The following XKR4 variants were observed in gnomAD, a reference collection of about 807,000 sequenced individuals.
The protein encoded by XKR4 is XK-related protein 4.
A neutral mutation model predicts 53.9 loss-of-function variants in XKR4; 12 were observed. That is an observed-to-expected ratio of 0.22 (90% confidence interval 0.14 to 0.36). XKR4 has a LOEUF of 0.36. Ranked by LOEUF, XKR4 falls within the 10% of genes least tolerant of loss-of-function variation. XKR4 has a pLI of 1.00. For missense variants in XKR4, 799 were observed against 859.5 expected (o/e 0.93, Z 0.88); for synonymous variants, 354 against 362.4 (o/e 0.98, Z 0.26).
chr8:55,394,568 T>C (rs1804488727), intron 2 of XKR4, among the ~76,000 whole-genome samples: 1 of 152,228 alleles, frequency 6.6e-6, no homozygotes. Context: ...ATGGGCATCA[T>C]CTTATCAACA....
At chr8:55,505,841 T>C (rs1045404678) in intron 2 of XKR4, among the ~76,000 whole-genome samples, 2 of 152,212 alleles carry the variant, frequency 1.3e-5, no homozygotes, top group African/African-American at 4.8e-5. Flanking sequence ...AACCTGATTT[T>C]TAAAAACAGG....
intron 2 of XKR4, among the ~76,000 whole-genome samples, chr8:55,438,083 T>A (rs1805204009): frequency 6.6e-6 from 1 of 151,988 alleles, no homozygotes; most frequent in African/African-American, 2.4e-5. Context: ...AGAGTTCCTG[T>A]AAGAGCAAGA....
chr8:55,160,201 T>A (rs1468881235), intron 1 of XKR4, among the ~76,000 whole-genome samples: 5 of 152,244 alleles, frequency 3.3e-5, no homozygotes, highest in African/African-American at 1.2e-4. Flanking sequence ...CCAGCCATAT[T>A]CAGCTCATGG....
intron 1 of XKR4, among the ~76,000 whole-genome samples, chr8:55,207,844 G>A (rs13248919): frequency 0.19 from 28,685 of 152,058 alleles, 3,456 homozygotes; most frequent in Middle Eastern, 0.36. Flanking sequence ...GTTGATTTTA[G>A]GGTGTCTAGA....
chr8:55,524,563 G>A lies in XKR4; in HGVS notation c.*336G>A. 1 of 283,854 alleles carries A rather than the reference G, an allele frequency of 3.5e-6. No individual in the cohort carries two copies. Among genetic ancestry groups the A allele is most frequent in the Non-Finnish European group, 6.6e-6 (1 of 151,250 alleles). The allele number at this position is 283,854 out of a possible 1,614,324, so 17.6% of individuals were successfully genotyped here. A position where few individuals can be genotyped will look rare whatever the true frequency, so the allele number is the denominator to read the frequency against. On this transcript the variant is annotated 3_prime_UTR_variant, in exon 3 of 3. Transcript: ENST00000327381. ...CCTCCAATCATTAGGGTGTCTTGAT[G>A]GCGTTAACTGATCTTTCCATAAAAA...
At chr8:55,461,817 T>C (rs868691546) in intron 2 of XKR4, among the ~76,000 whole-genome samples, 1 of 152,170 alleles carries the variant, frequency 6.6e-6, no homozygotes, top group African/African-American at 2.4e-5. Context: ...ACGAGAACTA[T>C]GTGACGAATG....
intron 2 of XKR4, among the ~76,000 whole-genome samples, chr8:55,495,588 C>T (rs543898609): frequency 6.6e-6 from 1 of 152,304 alleles, no homozygotes; most frequent in African/African-American, 2.4e-5. Context: ...AGGGGGCCTC[C>T]CAGGGGTGGA....
At chr8:55,466,674 T>A (rs1238395491) in intron 2 of XKR4, among the ~76,000 whole-genome samples, 1 of 152,096 alleles carries the variant, frequency 6.6e-6, no homozygotes, top group Non-Finnish European at 1.5e-5. Context: ...TTCTTTACCA[T>A]CTTACTATCC....
intron 2 of XKR4, among the ~76,000 whole-genome samples, chr8:55,438,143 C>A (rs756784083): frequency 6.6e-6 from 1 of 151,418 alleles, no homozygotes; most frequent in African/African-American, 2.4e-5. Flanking sequence ...GAACACATTA[C>A]CAGACAAAAA....
At chr8:55,518,545 G>T (rs1806750426) in intron 2 of XKR4, among the ~76,000 whole-genome samples, 1 of 152,202 alleles carries the variant, frequency 6.6e-6, no homozygotes, top group South Asian at 2.1e-4. Flanking sequence ...TAATTATAAA[G>T]TGGGATCCAT....
intron 1 of XKR4, among the ~76,000 whole-genome samples, chr8:55,153,081 C>T (rs1816859924): frequency 6.6e-6 from 1 of 152,152 alleles, no homozygotes; most frequent in Non-Finnish European, 1.5e-5. Flanking sequence ...CAGGCTCACG[C>T]TGGGTTGACC....
intron 2 of XKR4, among the ~76,000 whole-genome samples, chr8:55,443,636 G>A (rs1210609144): frequency 6.7e-6 from 1 of 148,970 alleles, no homozygotes; most frequent in African/African-American, 2.5e-5. Flanking sequence ...GAGGTCAGGA[G>A]ATCGAAACCA....
intron 1 of XKR4, among the ~76,000 whole-genome samples, chr8:55,178,974 G>C (rs1817273151): frequency 6.6e-6 from 1 of 152,144 alleles, no homozygotes; most frequent in South Asian, 2.1e-4. Context: ...GCATAGTTAA[G>C]TGGATTTATC....
chr8:55,220,639 C>T (rs572784057), intron 1 of XKR4, among the ~76,000 whole-genome samples: 92 of 152,246 alleles, frequency 6.0e-4, no homozygotes, highest in African/African-American at 2.1e-3. Flanking sequence ...CTGGGGCCTT[C>T]CCACTGAACT....
intron 1 of XKR4, among the ~76,000 whole-genome samples, chr8:55,348,028 G>T (rs564266115): frequency 1.2e-4 from 18 of 152,230 alleles, no homozygotes; most frequent in African/African-American, 4.3e-4. Context: ...CCCCAGCCTG[G>T]ATTCCCTGGA....
intron 2 of XKR4, chr8:55,452,399 G>T: frequency 1.6e-6 from 1 of 628,770 alleles, no homozygotes; most frequent in Non-Finnish European, 2.9e-6. Context: ...TAGTGAGGAA[G>T]AGGGCGCCCT....
intron 1 of XKR4, among the ~76,000 whole-genome samples, chr8:55,199,322 T>TACA (rs1424838384): frequency 6.6e-6 from 1 of 152,254 alleles, no homozygotes; most frequent in Non-Finnish European, 1.5e-5. Flanking sequence ...GATATCAGAT[T>TACA]ACAGTTAGGG....
At position 55,523,596 on chromosome 8, in the gene XKR4, A is replaced by G. The variant is rs753881169; in HGVS notation, c.1322A>G (p.Tyr441Cys). The G allele has an allele frequency of 4.3e-6, 7 of 1,614,154 alleles. No homozygotes were observed. The highest frequency in any genetic ancestry group is 5.1e-6 in the Non-Finnish European group (6 of 1,180,030). ...TTCGACATGGTGGTGGGGATTATCTATATCTTCAGTTGGTTCAATGTCAAG... is the reference window on the plus strand; with the variant it reads ...TTCGACATGGTGGTGGGGATTATCTGTATCTTCAGTTGGTTCAATGTCAAG... The part of the protein sequence containing the change: ...IVFDMVVGII[Y>C]IFSWFNVKEG... The change falls in exon 3 of 3, where the codon TAT (tyrosine) becomes TGT (cysteine). Residue 441 changes from tyrosine (Y) to cysteine (C), a missense_variant. Tyr to Cys is a radical substitution (Grantham distance 194). This residue lies in a region of XKR4 where 54 missense variants were observed against 89.7 expected (regional missense o/e 0.60). Coordinates refer to ENST00000327381, the MANE Select transcript of XKR4 (RefSeq NM_052898.2).
intron 1 of XKR4, among the ~76,000 whole-genome samples, chr8:55,206,651 C>G (rs551329758): frequency 3.3e-5 from 5 of 152,256 alleles, no homozygotes; most frequent in African/African-American, 1.2e-4. Flanking sequence ...TCAGATAAAT[C>G]ACAAATATTG....
Sources: gnomAD v4.1 joint callset for allele counts (sites outside exome capture counted in the v4.1 genomes callset) on GRCh38, gnomAD v4.1.1 for gene constraint, gnomAD v4.1.1 regional missense constraint, MANE v1.5 for transcripts, NCBI Gene and HGNC (gene_info 2026-07-23, HGNC 2026-07-21) for gene names.